Variants in TNKS observed in about 807,000 individuals in gnomAD.
TNKS encodes the protein poly [ADP-ribose] polymerase tankyrase-1.
Under a neutral mutation model 135.8 loss-of-function variants are expected in TNKS, and 72 were observed. The observed-to-expected ratio is 0.53, with a 90% CI of 0.44 to 0.64. TNKS has a LOEUF of 0.64. Ranked by LOEUF, TNKS falls within the 30% of genes least tolerant of loss-of-function variation. The pLI, the probability that TNKS is intolerant of heterozygous loss-of-function variation, is 0.00. For synonymous variants in TNKS, 849 were observed against 649.3 expected, an observed-to-expected ratio of 1.31 and a Z score of -4.68; for missense variants, 1,769 against 1,674.0, an observed-to-expected ratio of 1.06 and a Z score of -0.99.
At chr8:9,771,841 G>GGA (rs1381425009) in intron 26 of TNKS, among the ~76,000 whole-genome samples, 9 of 5,280 alleles carry the variant, frequency 1.7e-3, no homozygotes, top group Admixed American at 3.0e-3. Context: ...CGGGGAGAGA[G>GGA]GGGAGGGAGG....
intron 17 of TNKS, chr8:9,740,835 T>TTTG (rs931691812): frequency 2.8e-5 from 4 of 141,972 alleles, no homozygotes; most frequent in East Asian, 2.1e-4. Context: ...TGTTTTTTTT[T>TTTG]TTTTTTTTTT....
chr8:9,566,051 A>G (rs1382283360), intron 1 of TNKS, among the ~76,000 whole-genome samples: 1 of 152,064 alleles, frequency 6.6e-6, no homozygotes, highest in Non-Finnish European at 1.5e-5. Flanking sequence ...GATAATACTC[A>G]TCAACCGTAG....
At chr8:9,758,538 A>G (rs1284669762) in intron 20 of TNKS, among the ~76,000 whole-genome samples, 3 of 152,220 alleles carry the variant, frequency 2.0e-5, no homozygotes. Context: ...ATGGCTTAAA[A>G]TAACAAACAT....
At chr8:9,657,919 T>C (rs1272039251) in intron 3 of TNKS, among the ~76,000 whole-genome samples, 1 of 82,314 alleles carries the variant, frequency 1.2e-5, no homozygotes, top group Non-Finnish European at 2.5e-5. Context: ...TCCTCACTTC[T>C]CAGACGGGGC....
intron 1 of TNKS, chr8:9,557,730 AGTTT>A (rs1331650571): frequency 6.6e-6 from 1 of 152,116 alleles, no homozygotes; most frequent in Non-Finnish European, 1.5e-5. Flanking sequence ...TCACTTCTTC[AGTTT>A]GTTCTGTTAA....
At chr8:9,576,097 C>G (rs902818364) in intron 1 of TNKS, among the ~76,000 whole-genome samples, 2 of 152,178 alleles carry the variant, frequency 1.3e-5, no homozygotes, top group Non-Finnish European at 2.9e-5. Flanking sequence ...CATGGCCAGT[C>G]ACTGACAGAG....
chr8:9,623,603 C>G (rs951964917), intron 3 of TNKS, among the ~76,000 whole-genome samples: 1 of 152,158 alleles, frequency 6.6e-6, no homozygotes, highest in African/African-American at 2.4e-5. Flanking sequence ...TGCCAATAGA[C>G]TTGCTGGATG....
chr8:9,597,556 G>A (rs1798837299), intron 2 of TNKS, among the ~76,000 whole-genome samples: 1 of 152,172 alleles, frequency 6.6e-6, no homozygotes, highest in Non-Finnish European at 1.5e-5. Flanking sequence ...CCTAGTGAGT[G>A]GAGATATTGC....
Position 9,778,199 on chromosome 8 carries a change from T to C in TNKS, c.*1463T>C, listed in dbSNP as rs766888715. The C allele has an allele frequency of 2.0e-5, 3 of 152,588 alleles. No individual in the cohort carries two copies. The highest frequency in any genetic ancestry group is 4.4e-5 in the Non-Finnish European group (3 of 68,036). The allele number at this position is 152,588 out of a possible 1,614,324, so 9.5% of individuals were successfully genotyped here. Reference sequence around the variant, plus strand: ...ACTTGCCCTTTTCACCTTAACTGAATATGAATTGAGTGCACTAACTTATTT... The same window carrying C: ...ACTTGCCCTTTTCACCTTAACTGAACATGAATTGAGTGCACTAACTTATTT... On this transcript the variant is annotated 3_prime_UTR_variant, in exon 27 of 27. Transcript: ENST00000310430.
rs192069379 is a variant in TNKS, at chr8:9,721,646, G to A, written c.1921+1101G>A. Among the ~76,000 whole-genome samples, 102 of 152,148 alleles carry A rather than the reference G, an allele frequency of 6.7e-4. 1 individual carries two copies. Among genetic ancestry groups the A allele is most frequent in the African/African-American group, 2.1e-3 (87 of 41,548 alleles). On this transcript the variant is annotated intron_variant, in intron 12 of 26. Transcript: ENST00000310430. ...GTAGTTCTTAACTCTATCAGGTACA[G>A]TGCCCGCTTTTTATAAAGAATGTCT...
At chr8:9,760,007 T>TAA (rs1807062410) in intron 20 of TNKS, among the ~76,000 whole-genome samples, 2 of 148,804 alleles carry the variant, frequency 1.3e-5, no homozygotes, top group African/African-American at 2.5e-5. Flanking sequence ...AAAAAAAAAG[T>TAA]AAAGTCTGAG....
intron 1 of TNKS, among the ~76,000 whole-genome samples, chr8:9,567,342 T>TTATAAACATAAAACTTCAAA (rs1797581270): frequency 1.3e-5 from 2 of 152,350 alleles, no homozygotes; most frequent in African/African-American, 4.8e-5. Context: ...ATAAAAAGTG[T>TTATAAACATAAAACTTCAAA]GATTGGAAGT....
chr8:9,575,080 C>T (rs1310379031), intron 1 of TNKS: 6 of 984,638 alleles, frequency 6.1e-6, no homozygotes, highest in East Asian at 2.3e-4. Context: ...AAGTGAATCT[C>T]TCCATTATCT....
At chr8:9,576,631 G>A (rs1297231836) in intron 1 of TNKS, among the ~76,000 whole-genome samples, 1 of 151,926 alleles carries the variant, frequency 6.6e-6, no homozygotes, top group Non-Finnish European at 1.5e-5. Context: ...CTAGGGTGAT[G>A]GTGCTAAACT....
chr8:9,606,421 T>C (rs987432967), intron 2 of TNKS, among the ~76,000 whole-genome samples: 4 of 152,196 alleles, frequency 2.6e-5, no homozygotes, highest in Admixed American at 1.3e-4. Context: ...AGTCCTATTA[T>C]ATCTATATGT....
At chr8:9,617,452 T>C (rs1313747859) in intron 3 of TNKS, among the ~76,000 whole-genome samples, 10 of 152,230 alleles carry the variant, frequency 6.6e-5, no homozygotes, top group African/African-American at 2.4e-4. Context: ...TTTTTGGAAA[T>C]GATCTACAGC....
chr8:9,723,796 C>T (rs1805022889), intron 12 of TNKS, among the ~76,000 whole-genome samples: 1 of 152,188 alleles, frequency 6.6e-6, no homozygotes, highest in South Asian at 2.1e-4. Context: ...CTATTTCTAG[C>T]ACCACAGACA....
At chr8:9,672,473 G>C (rs1276375305) in intron 3 of TNKS, among the ~76,000 whole-genome samples, 2 of 152,076 alleles carry the variant, frequency 1.3e-5, no homozygotes, top group African/African-American at 4.8e-5. Flanking sequence ...GCTGCCATCT[G>C]AGTTTTTAGA....
rs75119556 is a variant in TNKS at position 9,753,852 on chromosome 8, T to G, written c.3153+1226T>G. On this transcript the variant is annotated intron_variant, in intron 20 of 26. Transcript: ENST00000310430. ...TTTGTTTTCAGCTTACGCTTACGCT[T>G]ACCCTGTTTTGCACAGAGATCTAAT... Among the ~76,000 whole-genome samples the G allele has an allele frequency of 3.7e-3, 558 of 152,332 alleles. 3 individuals carry two copies. Among genetic ancestry groups the G allele is most frequent in the Non-Finnish European group, 6.1e-3 (412 of 68,024 alleles).
Sources: gnomAD v4.1 joint callset for allele counts (sites outside exome capture counted in the v4.1 genomes callset) on GRCh38, gnomAD v4.1.1 for gene constraint, MANE v1.5 for transcripts, NCBI Gene and HGNC (gene_info 2026-07-23, HGNC 2026-07-21) for gene names.